CASP10: variants seen among roughly 807,000 people sequenced by gnomAD.
CASP10 encodes caspase-10.
CASP10 carries 41 observed loss-of-function variants against 48.5 expected under a neutral mutation model. The observed-to-expected ratio is 0.85, with a 90% CI of 0.66 to 1.10. CASP10 has a LOEUF of 1.10. Among genes scored for constraint, CASP10 ranks in the 50% least tolerant of loss-of-function variants. The pLI, the probability that CASP10 is intolerant of heterozygous loss-of-function variation, is 0.00. For synonymous variants in CASP10, 232 were observed against 238.4 expected, an observed-to-expected ratio of 0.97 and a Z score of 0.25; for missense variants, 614 against 614.5, an observed-to-expected ratio of 1.00 and a Z score of 0.01.
intron 4 of CASP10, among the ~76,000 whole-genome samples, chr2:201,195,292 A>G (rs1944751996): frequency 6.6e-6 from 1 of 151,466 alleles, no homozygotes; most frequent in Non-Finnish European, 1.5e-5. Context: ...GGGTTTCACC[A>G]CTTTGGCCAG....
chr2:201,203,782 G>A lies in CASP10; in HGVS notation c.721+16G>A, dbSNP rs2126038328. 1 of 1,608,188 alleles carries A rather than the reference G, an allele frequency of 6.2e-7. No individual in the cohort carries two copies. Among genetic ancestry groups the A allele is most frequent in the Non-Finnish European group, 8.5e-7 (1 of 1,174,716 alleles). On this transcript the variant is annotated intron_variant, in intron 6 of 9. Coordinates refer to ENST00000286186, the MANE Select transcript of CASP10 (RefSeq NM_032977.4). ...GGTAGTAATGGTAGGTATTTCTAAT[G>A]TACTTTTTACAACTTAGATCGGTAT...
chr2:201,226,786 C>T lies in CASP10; in HGVS notation c.1416-2147C>T, dbSNP rs74904685. Among the ~76,000 whole-genome samples the T allele has an allele frequency of 1.6e-4, 25 of 152,048 alleles. No homozygotes were observed. The East Asian group carries it at 4.8e-3, about 29-fold the overall frequency. On this transcript the variant is annotated intron_variant, in intron 9 of 9. Transcript: ENST00000272879. The stretch of plus-strand genomic sequence containing the variant: ...GTATAGTCATATAAAGGAATACTAT[C>T]AAGTAGTGAAATAAAATCAATTAGA...
chr2:201,193,211 T>C (rs544551849), intron 4 of CASP10, 92 bp downstream of exon 4: 1 of 1,386,672 alleles, frequency 7.2e-7, no homozygotes, highest in East Asian at 2.4e-5. Context: ...TGTTTTGTTT[T>C]GTTTTGTTTT....
At chr2:201,210,778 A>G (rs1945366793) in intron 9 of CASP10, among the ~76,000 whole-genome samples, 1 of 152,220 alleles carries the variant, frequency 6.6e-6, no homozygotes, top group African/African-American at 2.4e-5. Flanking sequence ...TACAAGAGAG[A>G]CAAAATCTGC....
exon 10 of CASP10, chr2:201,228,957 A>G (rs1945825227): frequency 6.2e-7 from 1 of 1,614,172 alleles, no homozygotes; most frequent in Admixed American, 1.7e-5. Flanking sequence ...TGGAAAAGAC[A>G]ATGGAAATCA....
chr2:201,220,816 A>G lies in CASP10; in HGVS notation c.*3075A>G. 1.0e-6 allele frequency: 1 copy of G among 985,448 alleles called. No individual in the cohort carries two copies. The highest frequency in any genetic ancestry group is 1.2e-6 in the Non-Finnish European group (1 of 829,950). The allele number at this position is 985,448 out of a possible 1,614,324, so 61.0% of individuals were successfully genotyped here. A position where few individuals can be genotyped will look rare whatever the true frequency, so the allele number is the denominator to read the frequency against. The stretch of plus-strand genomic sequence containing the variant: ...AAGCTAGTGGTCACAGTCCTTGTCC[A>G]GTTGGCAGAACTGACATGTGAAGGC... On this transcript the variant is annotated 3_prime_UTR_variant, in exon 10 of 10. Coordinates refer to ENST00000286186, the MANE Select transcript of CASP10 (RefSeq NM_032977.4).
At position 201,220,264 on chromosome 2, in the gene CASP10, C is replaced by A; in HGVS notation, c.*2523C>A. On this transcript the variant is annotated 3_prime_UTR_variant, in exon 10 of 10. Transcript: ENST00000286186. ...TTCAAGGAAATCACTTCTTTTCTAACAGCGAGCAGCCAGAAAGAGAAGAGA... is the reference window on the plus strand; with the variant it reads ...TTCAAGGAAATCACTTCTTTTCTAAAAGCGAGCAGCCAGAAAGAGAAGAGA... 2 of 518,218 alleles carry A rather than the reference C, an allele frequency of 3.9e-6. No homozygotes were observed. Among genetic ancestry groups the A allele is most frequent in the Non-Finnish European group, 5.0e-6 (2 of 403,380 alleles). 32.1% of individuals were successfully genotyped at this position (518,218 alleles called of 1,614,324 possible).
chr2:201,198,781 C>G (rs1407557802), intron 5 of CASP10, among the ~76,000 whole-genome samples: 2 of 151,816 alleles, frequency 1.3e-5, no homozygotes, highest in Admixed American at 1.3e-4. Flanking sequence ...ACCTCGTGAT[C>G]CACCCGCCTC....
Position 201,193,096 on chromosome 2 carries a change from T to G in CASP10, c.554T>G (p.Ile185Arg), listed in dbSNP as rs753049035. 33 of 1,613,656 alleles carry G rather than the reference T, an allele frequency of 2.0e-5. No individual in the cohort carries two copies. Among genetic ancestry groups the G allele is most frequent in the East Asian group, 2.2e-5 (1 of 44,870 alleles). ...KTVVPKLLRN[I>R]EKYKREKAIQ... ...GTTGTACCTAAACTTTTGAGAAACA[T>G]AGAGAAATACAAAAGAGAGAAAGGT... The change falls in exon 4 of 10, where the codon ATA (isoleucine) becomes AGA (arginine). Residue 185 changes from isoleucine (I) to arginine (R), a missense_variant. Coordinates refer to ENST00000286186, the MANE Select transcript of CASP10 (RefSeq NM_032977.4).
chr2:201,199,482 C>A (rs1017526394), intron 5 of CASP10, among the ~76,000 whole-genome samples: 1 of 150,654 alleles, frequency 6.6e-6, no homozygotes, highest in South Asian at 2.1e-4. Context: ...GAGACCCTCT[C>A]TAAAAGAAAA....
chr2:201,189,619 C>G (rs1273724323), intron 3 of CASP10, among the ~76,000 whole-genome samples: 2 of 152,022 alleles, frequency 1.3e-5, no homozygotes, highest in Non-Finnish European at 2.9e-5. Context: ...GAAGGTGACC[C>G]ATTACAAAAT....
intron 1 of CASP10, among the ~76,000 whole-genome samples, chr2:201,183,878 TTATTTATTTATC>T (rs961351597): frequency 3.5e-5 from 5 of 143,132 alleles, no homozygotes; most frequent in African/African-American, 1.1e-4. Flanking sequence ...ATTTATTTAT[TTATTTATTTATC>T]TATTTATTTA....
Position 201,219,982 on chromosome 2 carries a change from A to G in CASP10, c.*2241A>G. On this transcript the variant is annotated 3_prime_UTR_variant, in exon 10 of 10. Transcript: ENST00000286186. Reference sequence around the variant, plus strand: ...TTTGATATGTGAATGCTCATAAAAAAATGTCAAGGAATGAAGAACAACAAC... The same window carrying G: ...TTTGATATGTGAATGCTCATAAAAAGATGTCAAGGAATGAAGAACAACAAC... 3 of 985,444 alleles carry G rather than the reference A, an allele frequency of 3.0e-6. No homozygotes were observed. The highest frequency in any genetic ancestry group is 3.6e-6 in the Non-Finnish European group (3 of 829,932). The allele number at this position is 985,444 out of a possible 1,614,324, so 61.0% of individuals were successfully genotyped here. A position where few individuals can be genotyped will look rare whatever the true frequency, so the allele number is the denominator to read the frequency against.
At chr2:201,189,499 A>T (rs1424435463) in intron 3 of CASP10, among the ~76,000 whole-genome samples, 3 of 151,972 alleles carry the variant, frequency 2.0e-5, no homozygotes, top group African/African-American at 7.3e-5. Context: ...TCTTGACCTC[A>T]AGTGATCTAC....
chr2:201,191,937 A>G (rs1944626116), intron 3 of CASP10, among the ~76,000 whole-genome samples: 1 of 152,242 alleles, frequency 6.6e-6, no homozygotes, highest in African/African-American at 2.4e-5. Flanking sequence ...AGTATTTGCC[A>G]GAGTGGTGTT....
rs201904750 is a variant in CASP10, at chr2:201,209,058, G to A, written c.923-12G>A. 32 of 922,888 alleles carry A rather than the reference G, an allele frequency of 3.5e-5. No homozygotes were observed. In the South Asian group the frequency reaches 7.2e-4, roughly 21 times the overall value. 57.2% of individuals were successfully genotyped at this position (922,888 alleles called of 1,614,324 possible). A position where few individuals can be genotyped will look rare whatever the true frequency, so the allele number is the denominator to read the frequency against. On this transcript the variant is annotated splice_polypyrimidine_tract_variant and intron_variant, in intron 8 of 9. Transcript: ENST00000286186. ...CTCTCTCTCTTTTTTTTTTTTTTTTGTTTTTAAACAGAGATCCTGAGTCAT... is the reference window on the plus strand; with the variant it reads ...CTCTCTCTCTTTTTTTTTTTTTTTTATTTTTAAACAGAGATCCTGAGTCAT...
At chr2:201,216,622 TAAAA>T (rs1370128408) in intron 9 of CASP10, among the ~76,000 whole-genome samples, 2 of 152,128 alleles carry the variant, frequency 1.3e-5, no homozygotes, top group Non-Finnish European at 2.9e-5. Context: ...ATACTAATAC[TAAAA>T]ATGATGGTCA....
rs189539357 is a variant in CASP10 at position 201,191,934 on chromosome 2, G to T, written c.442-1050G>T. ...TTTCAGATGTTTGCTGCTAGTATTT[G>T]CCAGAGTGGTGTTAAACTAATGTCC... On this transcript the variant is annotated intron_variant, in intron 3 of 9. Coordinates refer to ENST00000286186, the MANE Select transcript of CASP10 (RefSeq NM_032977.4). Among the ~76,000 whole-genome samples the T allele has an allele frequency of 1.1e-3, 168 of 152,328 alleles. 1 individual carries two copies. Among genetic ancestry groups the T allele is most frequent in the Non-Finnish European group, 2.1e-3 (142 of 68,020 alleles).
At position 201,218,702 on chromosome 2, in the gene CASP10, T is replaced by G; in HGVS notation, c.*961T>G. On this transcript the variant is annotated 3_prime_UTR_variant, in exon 10 of 10. Coordinates refer to ENST00000286186, the MANE Select transcript of CASP10 (RefSeq NM_032977.4). ...TCTCTAGACAACTACCCCTTAGTTA[T>G]AATTCTGTGTCCCCTCTGCATGCCC... 1.0e-6 allele frequency: 1 copy of G among 985,436 alleles called. No individual in the cohort carries two copies. Among genetic ancestry groups the G allele is most frequent in the Non-Finnish European group, 1.2e-6 (1 of 829,948 alleles). 61.0% of individuals were successfully genotyped at this position (985,436 alleles called of 1,614,324 possible). A position where few individuals can be genotyped will look rare whatever the true frequency, so the allele number is the denominator to read the frequency against.
Sources: allele counts gnomAD v4.1 joint callset (sites outside exome capture counted in the v4.1 genomes callset), GRCh38; gene constraint gnomAD v4.1.1; transcripts MANE v1.5; gene names NCBI Gene and HGNC (gene_info 2026-07-23, HGNC 2026-07-21).